IPP: variants seen among roughly 807,000 people sequenced by gnomAD.
IPP encodes intracisternal A particle-promoted polypeptide, also known as actin-binding protein IPP.
Under a neutral mutation model 64.1 loss-of-function variants are expected in IPP, and 41 were observed. The ratio of observed to expected loss-of-function variants is 0.64; its 90% CI spans 0.50 to 0.83. IPP has a LOEUF of 0.83. IPP is among the 40% of genes least tolerant of loss of function. IPP has a pLI of 0.00. For synonymous variants in IPP, 214 were observed against 235.2 expected (o/e 0.91, Z 0.83); for missense variants, 649 against 703.0 (o/e 0.92, Z 0.87).
At chr1:45,727,520 T>C (rs1312421744) in intron 5 of IPP, 111 bp downstream of exon 5, 1 of 224,272 alleles carries the variant, frequency 4.5e-6, no homozygotes, top group African/African-American at 2.5e-5. Flanking sequence ...TGTAAATACT[T>C]ATTGAGGACA....
chr1:45,742,922 CTTTTTTTTATTT>C (rs899939161), intron 2 of IPP, among the ~76,000 whole-genome samples: 1 of 149,308 alleles, frequency 6.7e-6, no homozygotes, highest in African/African-American at 2.5e-5. Flanking sequence ...GCTTCACTTT[CTTTTTTTTATTT>C]TTTTATTTTT....
At chr1:45,740,234 A>G (rs1254806147) in intron 3 of IPP, among the ~76,000 whole-genome samples, 1 of 152,200 alleles carries the variant, frequency 6.6e-6, no homozygotes, top group African/African-American at 2.4e-5. Flanking sequence ...TTCTACACAG[A>G]CACAGCAACC....
At chr1:45,718,059 T>C (rs28438659) in intron 6 of IPP, among the ~76,000 whole-genome samples, 3,842 of 152,284 alleles carry the variant, frequency 0.025, 160 homozygotes, top group African/African-American at 0.088. Context: ...ACAACCTTGA[T>C]TGTAACATTT....
rs186981420 is a variant in IPP at position 45,708,757 on chromosome 1, C to T, written c.1530+5489G>A. On this transcript the variant is annotated intron_variant, in intron 8 of 8. Transcript: ENST00000396478. ...TTTCAAAAATGAAGGAGAGTCTGAA[C>T]GCGGTGGCTCATGCCTGTAATCCCA... Among the ~76,000 whole-genome samples the T allele has an allele frequency of 1.8e-4, 26 of 148,506 alleles. No homozygotes were observed. In the East Asian group the frequency reaches 4.2e-3, roughly 24 times the overall value.
Position 45,737,030 on chromosome 1 carries a change from G to A in IPP, c.724+3871C>T, listed in dbSNP as rs1415476054. 2.5e-5 allele frequency among the ~76,000 whole-genome samples: 3 copies of A among 119,062 alleles called. No individual in the cohort carries two copies. The Admixed American group carries it at 3.3e-4, about 13-fold the overall frequency. 78.1% of individuals were successfully genotyped at this position (119,062 alleles called of 152,430 possible). On this transcript the variant is annotated intron_variant, in intron 3 of 8. Coordinates refer to ENST00000396478, the MANE Select transcript of IPP (RefSeq NM_005897.3). ...TGCACTCCAGCCTGGGCGACAGAGC[G>A]AGACTCCATCTCAAAAAAAAAAAAA...
At chr1:45,695,783 C>T (rs528524037), downstream of IPP, among the ~76,000 whole-genome samples, 16 of 152,130 alleles carry the variant, frequency 1.1e-4, no homozygotes, top group Non-Finnish European at 1.6e-4. Context: ...GATTCTCCTG[C>T]CTCAGCCTCC....
chr1:45,699,290 G>T lies in IPP; in HGVS notation c.*676C>A, dbSNP rs189301276. On this transcript the variant is annotated 3_prime_UTR_variant, in exon 9 of 9. Transcript: ENST00000396478. ...TGAAAACTCTTGGCATTAAATAAAA[G>T]TAGGAATCTATTTCATTGGCTTTCT... 50 of 985,400 alleles carry T rather than the reference G, an allele frequency of 5.1e-5. No homozygotes were observed. Among genetic ancestry groups the T allele is most frequent in the Middle Eastern group, 5.2e-4 (1 of 1,914 alleles). The allele number at this position is 985,400 out of a possible 1,614,324, so 61.0% of individuals were successfully genotyped here.
At chr1:45,741,377 C>T (rs756795651) in intron 2 of IPP, 45 bp from the exon 3 acceptor site, 30 of 1,296,904 alleles carry the variant, frequency 2.3e-5, no homozygotes, top group Non-Finnish European at 3.2e-6. Flanking sequence ...TAAAAACAAA[C>T]ATTGGCTTAC....
intron 3 of IPP, among the ~76,000 whole-genome samples, chr1:45,740,437 T>TGGCC (rs939815079): frequency 1.3e-5 from 2 of 151,898 alleles, no homozygotes; most frequent in Non-Finnish European, 2.9e-5. Flanking sequence ...ACGGGGCGGC[T>TGGCC]GGCCGGGCGG....
chr1:45,700,740 C>T (rs1273656473), intron 8 of IPP, among the ~76,000 whole-genome samples: 1 of 152,064 alleles, frequency 6.6e-6, no homozygotes, highest in Non-Finnish European at 1.5e-5. Context: ...AGGAAATGAC[C>T]TAGAACTCAT....
At chr1:45,711,403 G>A (rs1159616773) in intron 8 of IPP, among the ~76,000 whole-genome samples, 1 of 151,856 alleles carries the variant, frequency 6.6e-6, no homozygotes, top group Non-Finnish European at 1.5e-5. Context: ...AGTTTGTAAA[G>A]ACACAGAAGT....
At chr1:45,694,373 A>G (rs1473805464), downstream of IPP, 6 of 936,948 alleles carry the variant, frequency 6.4e-6, no homozygotes, top group Non-Finnish European at 1.0e-5. Context: ...TATGAATAAT[A>G]TAGTTATCCA....
Position 45,699,141 on chromosome 1 carries a change from A to T in IPP, c.*825T>A. Reference sequence around the variant, plus strand: ...CCTTACTTGCATTCTCAGGATCAAGACAAAAAATATGAGCAAGCAAAAACT... The same window carrying T: ...CCTTACTTGCATTCTCAGGATCAAGTCAAAAAATATGAGCAAGCAAAAACT... On this transcript the variant is annotated 3_prime_UTR_variant, in exon 9 of 9. Transcript: ENST00000396478. 1 of 985,398 alleles carries T rather than the reference A, an allele frequency of 1.0e-6. No individual in the cohort carries two copies. The highest frequency in any genetic ancestry group is 1.2e-6 in the Non-Finnish European group (1 of 829,922). The allele number at this position is 985,398 out of a possible 1,614,324, so 61.0% of individuals were successfully genotyped here.
chr1:45,696,161 A>G (rs980927462), downstream of IPP, among the ~76,000 whole-genome samples: 25 of 152,338 alleles, frequency 1.6e-4, no homozygotes, highest in African/African-American at 5.5e-4. Flanking sequence ...TAATTGCCTA[A>G]TTTTACTTAA....
rs896167380 is a variant in IPP at position 45,716,970 on chromosome 1, G to C, written c.1234C>G (p.Pro412Ala). The change falls in exon 7 of 9, where the codon CCT becomes GCT. Residue 412 changes from proline (P) to alanine (A), a missense_variant. By Grantham distance (27) the Pro-to-Ala change is conservative. Transcript: ENST00000396478. Reference sequence around the variant, plus strand: ...ACTACTTCCCATTTATTTTCATCAGGATCAAATCGTTCAATGGTGTTCCCT... The same window carrying C: ...ACTACTTCCCATTTATTTTCATCAGCATCAAATCGTTCAATGGTGTTCCCT... ...EIGNTIERFD[P>A]DENKWEVVGN... 2.5e-6 allele frequency: 4 copies of C among 1,612,748 alleles called. No individual in the cohort carries two copies. The highest frequency in any genetic ancestry group is 4.5e-5 in the East Asian group (2 of 44,834).
At chr1:45,694,537 A>AT (rs1645370123), downstream of IPP, 7 of 1,388,482 alleles carry the variant, frequency 5.0e-6, no homozygotes, top group Middle Eastern at 5.3e-4. Context: ...AGGTAGTTCC[A>AT]TTGAGTTTTC....
intron 8 of IPP, among the ~76,000 whole-genome samples, chr1:45,702,201 AC>A (rs1449585210): frequency 4.6e-5 from 7 of 152,034 alleles, no homozygotes; most frequent in Non-Finnish European, 7.4e-5. Context: ...TTTCATTTCT[AC>A]CAGTGTATTA....
chr1:45,749,350 C>T (rs1341225903), intron 1 of IPP, among the ~76,000 whole-genome samples: 1 of 152,144 alleles, frequency 6.6e-6, no homozygotes, highest in African/African-American at 2.4e-5. Flanking sequence ...GACCATATTT[C>T]CAAAGGAAAA....
chr1:45,727,969 G>A (rs777834682), intron 4 of IPP, among the ~76,000 whole-genome samples, 171 bp from the exon 5 acceptor site: 2 of 152,074 alleles, frequency 1.3e-5, no homozygotes, highest in Non-Finnish European at 2.9e-5. Context: ...CTTAAATACA[G>A]TAAGAAGGTT....
Sources: gnomAD v4.1 joint callset for allele counts (sites outside exome capture counted in the v4.1 genomes callset) on GRCh38, gnomAD v4.1.1 for gene constraint, MANE v1.5 for transcripts, NCBI Gene and HGNC (gene_info 2026-07-23, HGNC 2026-07-21) for gene names.